The following AUTS2 variants were observed in gnomAD, a reference collection of about 807,000 sequenced individuals.
AUTS2 encodes activator of transcription and developmental regulator AUTS2, also known as autism susceptibility gene 2 protein.
AUTS2 carries 17 observed loss-of-function variants against 112.4 expected under a neutral mutation model. The observed-to-expected ratio is 0.15, with a 90% CI of 0.10 to 0.23. The LOEUF is 0.23. Among genes scored for constraint, AUTS2 ranks in the 10% least tolerant of loss-of-function variants. The probability of loss-of-function intolerance (pLI) is 1.00; values close to 1 mark genes in which losing one functional copy is unlikely to be tolerated. For missense variants in AUTS2, 1,510 were observed against 1,701.6 expected (o/e 0.89, Z 1.98); for synonymous variants, 751 against 702.7 (o/e 1.07, Z -1.09).
chr7:70,540,162 T>C (rs1800491549), intron 5 of AUTS2, among the ~76,000 whole-genome samples: 1 of 152,150 alleles, frequency 6.6e-6, no homozygotes, highest in Non-Finnish European at 1.5e-5. Context: ...AAAATAAGTG[T>C]CTCATAGTCC....
intron 4 of AUTS2, among the ~76,000 whole-genome samples, chr7:70,311,687 G>A (rs1291727221): frequency 6.6e-6 from 1 of 152,118 alleles, no homozygotes; most frequent in Non-Finnish European, 1.5e-5. Flanking sequence ...CTCCCTAATA[G>A]CTGGGATTAC....
In AUTS2 at chr7:69,607,695, C is replaced by T. The variant is rs553156309; in HGVS notation, c.309+7733C>T. Reference sequence around the variant, plus strand: ...TCATTTTAGCTTGCACTATACCTCACGGTGCCATACCCCCTTGTTACCTCT... The same window carrying T: ...TCATTTTAGCTTGCACTATACCTCATGGTGCCATACCCCCTTGTTACCTCT... On this transcript the variant is annotated intron_variant, in intron 1 of 18. Transcript: ENST00000342771. Among the ~76,000 whole-genome samples, 219 of 152,302 alleles carry T rather than the reference C, an allele frequency of 1.4e-3. 1 individual carries two copies. The highest frequency in any genetic ancestry group is 3.4e-3 in the Middle Eastern group (1 of 294).
chr7:70,255,093 T>TTTTTA (rs1786792349), intron 4 of AUTS2, among the ~76,000 whole-genome samples: 1 of 150,134 alleles, frequency 6.7e-6, no homozygotes, highest in African/African-American at 2.5e-5. Flanking sequence ...TTTTTTTTTT[T>TTTTTA]GACGGAGTCT....
At chr7:70,414,907 G>A (rs1794928115) in intron 4 of AUTS2, among the ~76,000 whole-genome samples, 2 of 152,198 alleles carry the variant, frequency 1.3e-5, no homozygotes, top group Admixed American at 1.3e-4. Flanking sequence ...CTGGAACAGA[G>A]GGTAACAAGT....
At chr7:69,600,051 G>A in intron 1 of AUTS2, 89 bp downstream of exon 1, 1 of 1,325,890 alleles carries the variant, frequency 7.5e-7, no homozygotes, top group East Asian at 2.5e-5. Flanking sequence ...GCCGCGCTCC[G>A]GGCTGTCTGT....
chr7:70,435,492 T>G (rs1284774768), intron 4 of AUTS2, among the ~76,000 whole-genome samples: 2 of 152,208 alleles, frequency 1.3e-5, no homozygotes, highest in African/African-American at 2.4e-5. Flanking sequence ...CTTGCTGGAC[T>G]GACCTGAGGA....
intron 2 of AUTS2, among the ~76,000 whole-genome samples, chr7:69,932,300 C>T (rs1232625579): frequency 6.6e-6 from 1 of 152,110 alleles, no homozygotes; most frequent in Non-Finnish European, 1.5e-5. Context: ...AGTAGAGCAT[C>T]CCAGCTGGTA....
intron 4 of AUTS2, among the ~76,000 whole-genome samples, chr7:70,226,853 C>G (rs1172095166): frequency 6.6e-6 from 1 of 152,090 alleles, no homozygotes; most frequent in Non-Finnish European, 1.5e-5. Context: ...GATATGAACA[C>G]AAATCTCAGA....
At chr7:70,495,400 C>G (rs1312212647) in intron 5 of AUTS2, among the ~76,000 whole-genome samples, 3 of 152,000 alleles carry the variant, frequency 2.0e-5, no homozygotes, top group African/African-American at 7.3e-5. Flanking sequence ...AAGTATTCCC[C>G]TTATCTGTCC....
At chr7:70,710,908 A>G (rs1269280287) in intron 6 of AUTS2, among the ~76,000 whole-genome samples, 1 of 152,252 alleles carries the variant, frequency 6.6e-6, no homozygotes, top group Non-Finnish European at 1.5e-5. Context: ...TAGAGGCCAC[A>G]TGGCCCTGTA....
chr7:70,569,198 G>A (rs1037954802), intron 5 of AUTS2, among the ~76,000 whole-genome samples: 1 of 152,150 alleles, frequency 6.6e-6, no homozygotes, highest in Non-Finnish European at 1.5e-5. Flanking sequence ...CGGTCCCCAT[G>A]GACTGTCAGA....
At chr7:70,318,961 GCTGT>G (rs1790126849) in intron 4 of AUTS2, among the ~76,000 whole-genome samples, 1 of 152,166 alleles carries the variant, frequency 6.6e-6, no homozygotes, top group Admixed American at 6.5e-5. Flanking sequence ...TATTTTATGT[GCTGT>G]CTCTTTTCAA....
At chr7:69,801,795 T>G (rs1346734849) in intron 1 of AUTS2, among the ~76,000 whole-genome samples, 1 of 152,110 alleles carries the variant, frequency 6.6e-6, no homozygotes, top group Non-Finnish European at 1.5e-5. Flanking sequence ...AACATGCATT[T>G]TAGTGGAAGG....
intron 5 of AUTS2, among the ~76,000 whole-genome samples, chr7:70,607,228 TC>T (rs1803830409): frequency 1.5e-5 from 2 of 135,928 alleles, no homozygotes; most frequent in African/African-American, 5.5e-5. Context: ...TTGCCATGTG[TC>T]AGAAAACCTT....
At chr7:70,472,450 A>G (rs1797427285) in intron 5 of AUTS2, among the ~76,000 whole-genome samples, 6 of 151,806 alleles carry the variant, frequency 4.0e-5, no homozygotes, top group Non-Finnish European at 8.8e-5. Context: ...TAAAGCCAAG[A>G]GCTCTACCCA....
intron 2 of AUTS2, among the ~76,000 whole-genome samples, chr7:69,975,723 G>A (rs747533492): frequency 3.3e-5 from 5 of 150,308 alleles, no homozygotes; most frequent in Admixed American, 6.6e-5. Flanking sequence ...GAGTCTGCTC[G>A]GTCCCCCAGG....
chr7:69,795,365 G>C (rs1789793881), intron 1 of AUTS2, among the ~76,000 whole-genome samples: 1 of 152,090 alleles, frequency 6.6e-6, no homozygotes, highest in Non-Finnish European at 1.5e-5. Flanking sequence ...TTTGGTCTTG[G>C]TAAGAGTTGT....
At chr7:70,492,836 G>C (rs1468369681) in intron 5 of AUTS2, among the ~76,000 whole-genome samples, 1 of 152,230 alleles carries the variant, frequency 6.6e-6, no homozygotes, top group Non-Finnish European at 1.5e-5. Flanking sequence ...TGCCAGAGAA[G>C]AGGAGTGGCC....
chr7:70,076,093 T>C (rs750970279), intron 2 of AUTS2, among the ~76,000 whole-genome samples: 1 of 152,222 alleles, frequency 6.6e-6, no homozygotes, highest in Non-Finnish European at 1.5e-5. Flanking sequence ...TTGGCCATCG[T>C]TTACCAACCC....
Sources: allele counts gnomAD v4.1 joint callset (sites outside exome capture counted in the v4.1 genomes callset), GRCh38; gene constraint gnomAD v4.1.1; transcripts MANE v1.5; gene names NCBI Gene and HGNC (gene_info 2026-07-23, HGNC 2026-07-21).